GRM8: variants seen among roughly 807,000 people sequenced by gnomAD.
GRM8 encodes glutamate metabotropic receptor 8, also known as metabotropic glutamate receptor 8.
A neutral mutation model predicts 87.2 loss-of-function variants in GRM8; 47 were observed. The ratio of observed to expected loss-of-function variants is 0.54; its 90% CI spans 0.43 to 0.69. The LOEUF (loss-of-function observed/expected upper bound fraction) is 0.69. Among genes scored for constraint, GRM8 ranks in the 30% least tolerant of loss-of-function variants. The probability of loss-of-function intolerance (pLI) is 0.00; values close to 1 mark genes in which losing one functional copy is unlikely to be tolerated. For synonymous variants in GRM8, 396 were observed against 404.5 expected (o/e 0.98, Z 0.25); for missense variants, 1,019 against 1,139.2 (o/e 0.89, Z 1.52).
chr7:126,689,310 G>A (rs184997587), intron 7 of GRM8, among the ~76,000 whole-genome samples: 21 of 152,230 alleles, frequency 1.4e-4, no homozygotes, highest in Non-Finnish European at 3.1e-4. Context: ...ATGGTAACTT[G>A]AGACAAGCAA....
At chr7:126,663,934 T>C (rs1014475765) in intron 7 of GRM8, among the ~76,000 whole-genome samples, 1 of 152,218 alleles carries the variant, frequency 6.6e-6, no homozygotes, top group Admixed American at 6.5e-5. Flanking sequence ...GATAAATGAC[T>C]TTAGTAAAGT....
chr7:126,632,930 T>G (rs1485079989), intron 7 of GRM8, among the ~76,000 whole-genome samples: 1 of 152,052 alleles, frequency 6.6e-6, no homozygotes. Context: ...CACGTTTTTT[T>G]AAAGTTAAGC....
intron 3 of GRM8, among the ~76,000 whole-genome samples, chr7:126,956,036 C>T (rs1808648630): frequency 6.6e-6 from 1 of 151,844 alleles, no homozygotes; most frequent in Admixed American, 6.6e-5. Context: ...GTGATGTGTC[C>T]AACAGAAAGC....
chr7:126,606,058 T>C (rs975430365), intron 8 of GRM8, among the ~76,000 whole-genome samples: 19 of 152,204 alleles, frequency 1.2e-4, no homozygotes, highest in Admixed American at 1.0e-3. Context: ...GGTGATGATA[T>C]CTATTCACAT....
intron 3 of GRM8, among the ~76,000 whole-genome samples, chr7:127,050,734 G>A (rs17867256): frequency 0.014 from 2,177 of 152,256 alleles, 49 homozygotes; most frequent in African/African-American, 0.049. Flanking sequence ...GCAGAGAGCC[G>A]ATGACGTTCT....
At chr7:127,251,582 T>C (rs1798869918) in intron 1 of GRM8, among the ~76,000 whole-genome samples, 1 of 151,982 alleles carries the variant, frequency 6.6e-6, no homozygotes, top group Non-Finnish European at 1.5e-5. Context: ...TCTGGGTAGA[T>C]AGAGACTGGG....
At chr7:126,894,082 A>G (rs1047809839) in intron 6 of GRM8, among the ~76,000 whole-genome samples, 8 of 152,080 alleles carry the variant, frequency 5.3e-5, no homozygotes, top group Non-Finnish European at 7.4e-5. Flanking sequence ...GCTTTGTATC[A>G]CTTTTAGAAA....
chr7:126,524,546 T>C (rs1265828122), intron 9 of GRM8, among the ~76,000 whole-genome samples: 2 of 152,206 alleles, frequency 1.3e-5, no homozygotes, highest in Non-Finnish European at 2.9e-5. Context: ...ATTTTCTTTC[T>C]TCAGTTGTGA....
At chr7:126,773,492 A>G (rs1585875416) in intron 6 of GRM8, among the ~76,000 whole-genome samples, 2 of 152,256 alleles carry the variant, frequency 1.3e-5, no homozygotes, top group Admixed American at 1.3e-4. Flanking sequence ...CTATCCTAAA[A>G]TGTTCTTGAT....
At chr7:126,527,744 A>T (rs958647988) in intron 9 of GRM8, among the ~76,000 whole-genome samples, 1 of 152,040 alleles carries the variant, frequency 6.6e-6, no homozygotes, top group African/African-American at 2.4e-5. Context: ...CTCTGATGAT[A>T]TTTTTTTTCT....
chr7:127,225,837 C>G (rs1286284437), intron 2 of GRM8, among the ~76,000 whole-genome samples: 1 of 151,914 alleles, frequency 6.6e-6, no homozygotes, highest in Non-Finnish European at 1.5e-5. Context: ...GATAGCCCCA[C>G]AGTCTTGTAG....
intron 2 of GRM8, among the ~76,000 whole-genome samples, chr7:127,146,930 G>T (rs796803086): frequency 6.6e-5 from 10 of 152,036 alleles, no homozygotes; most frequent in African/African-American, 2.4e-4. Context: ...CTTAAAAAGG[G>T]GGTTGCTTAG....
intron 7 of GRM8, among the ~76,000 whole-genome samples, chr7:126,748,906 T>G (rs147876831): frequency 1.4e-4 from 22 of 152,124 alleles, no homozygotes; most frequent in African/African-American, 4.1e-4. Context: ...TTTCAAATAC[T>G]GGTAGTAGAA....
At chr7:126,490,784 G>A (rs756085609) in intron 9 of GRM8, among the ~76,000 whole-genome samples, 1 of 151,988 alleles carries the variant, frequency 6.6e-6, no homozygotes, top group Non-Finnish European at 1.5e-5. Flanking sequence ...GACAATCACC[G>A]TCTTTTATGC....
intron 2 of GRM8, among the ~76,000 whole-genome samples, chr7:127,161,168 T>C (rs751881532): frequency 6.6e-6 from 1 of 152,152 alleles, no homozygotes; most frequent in Non-Finnish European, 1.5e-5. Flanking sequence ...TTAAGAACCA[T>C]GAACCTGAGG....
At chr7:127,229,392 T>C (rs1486658741) in intron 2 of GRM8, 1 of 152,182 alleles carries the variant, frequency 6.6e-6, no homozygotes, top group Non-Finnish European at 1.5e-5. Context: ...TCTATTTTAT[T>C]TTCAGCAAGG....
At chr7:127,067,336 C>T (rs776086841) in intron 3 of GRM8, among the ~76,000 whole-genome samples, 4 of 152,188 alleles carry the variant, frequency 2.6e-5, no homozygotes, top group Admixed American at 6.5e-5. Context: ...GGAAGCCACA[C>T]ATCTGGTAGT....
chr7:127,155,882 C>T (rs902510922), intron 2 of GRM8, among the ~76,000 whole-genome samples: 2 of 152,088 alleles, frequency 1.3e-5, no homozygotes, highest in Non-Finnish European at 2.9e-5. Context: ...AATCAAGGAA[C>T]ATCTTAACAT....
At chr7:127,141,311 C>A (rs536212858) in intron 2 of GRM8, among the ~76,000 whole-genome samples, 1 of 151,468 alleles carries the variant, frequency 6.6e-6, no homozygotes, top group African/African-American at 2.4e-5. Context: ...GATACCCTGG[C>A]GAAGCTATGG....
Sources: gnomAD v4.1 joint callset for allele counts (sites outside exome capture counted in the v4.1 genomes callset) on GRCh38, gnomAD v4.1.1 for gene constraint, MANE v1.5 for transcripts, NCBI Gene and HGNC (gene_info 2026-07-23, HGNC 2026-07-21) for gene names.